The following ATRNL1 variants were observed in gnomAD, a reference collection of about 807,000 sequenced individuals.
The protein encoded by ATRNL1 is attractin-like protein 1.
ATRNL1 carries 95 observed loss-of-function variants against 182.7 expected under a neutral mutation model. The ratio of observed to expected loss-of-function variants is 0.52; its 90% confidence interval spans 0.44 to 0.62. The LOEUF is 0.62. Ranked by LOEUF, ATRNL1 falls within the 20% of genes least tolerant of loss-of-function variation. The probability of loss-of-function intolerance (pLI) is 0.00; values close to 1 mark genes in which losing one functional copy is unlikely to be tolerated. For missense variants in ATRNL1, 1,471 were observed against 1,679.5 expected (o/e 0.88, Z 2.17); for synonymous variants, 576 against 568.3 (o/e 1.01, Z -0.19).
intron 26 of ATRNL1, among the ~76,000 whole-genome samples, chr10:115,647,945 T>C (rs1859737524): frequency 6.6e-6 from 1 of 152,218 alleles, no homozygotes; most frequent in Non-Finnish European, 1.5e-5. Flanking sequence ...CATTTAAGTC[T>C]TTAATCCATC....
At chr10:115,535,867 G>T (rs191335151) in intron 25 of ATRNL1, among the ~76,000 whole-genome samples, 3,307 of 151,992 alleles carry the variant, frequency 0.022, 157 homozygotes, top group African/African-American at 0.075. Flanking sequence ...GTTTGCTAGA[G>T]GTCCACTCCA....
intron 25 of ATRNL1, among the ~76,000 whole-genome samples, chr10:115,540,312 C>T (rs963901423): frequency 3.3e-5 from 5 of 152,010 alleles, no homozygotes; most frequent in African/African-American, 1.2e-4. Context: ...TCCCGCTGCA[C>T]TGACTCAAGA....
chr10:115,458,224 C>T (rs1342962170), intron 21 of ATRNL1, among the ~76,000 whole-genome samples: 1 of 152,042 alleles, frequency 6.6e-6, no homozygotes, highest in Non-Finnish European at 1.5e-5. Context: ...GTAAATTTTC[C>T]ATTCATAACC....
chr10:115,570,553 T>G (rs1555003159), intron 26 of ATRNL1, among the ~76,000 whole-genome samples: 1 of 152,200 alleles, frequency 6.6e-6, no homozygotes. Context: ...TATGGCTTCA[T>G]TTTTACATTT....
chr10:115,913,397 G>T (rs1370462635), intron 28 of ATRNL1, among the ~76,000 whole-genome samples: 2 of 152,148 alleles, frequency 1.3e-5, no homozygotes, highest in African/African-American at 4.8e-5. Context: ...AGGGCCAGAA[G>T]ACCTGATTCA....
At chr10:115,259,349 C>T (rs1194601595) in intron 10 of ATRNL1, among the ~76,000 whole-genome samples, 3 of 151,940 alleles carry the variant, frequency 2.0e-5, no homozygotes, top group South Asian at 2.1e-4. Context: ...CCAGCCAGGC[C>T]GCTGCCTCGC....
At position 115,947,275 on chromosome 10, in the gene ATRNL1, C is replaced by T. The variant is rs1953896741; in HGVS notation, c.*2496C>T. ...TGCTTTCATTTTTTTTAAATCAAACCACACAAATATGCAGATACTTTCCCA... is the reference window on the plus strand; with the variant it reads ...TGCTTTCATTTTTTTTAAATCAAACTACACAAATATGCAGATACTTTCCCA... On this transcript the variant is annotated 3_prime_UTR_variant, in exon 29 of 29. Transcript: ENST00000355044. 1 of 152,306 alleles carries T rather than the reference C, an allele frequency of 6.6e-6. No homozygotes were observed. The highest frequency in any genetic ancestry group is 6.6e-5 in the Admixed American group (1 of 15,252). The allele number at this position is 152,306 out of a possible 1,614,324, so 9.4% of individuals were successfully genotyped here.
At chr10:115,525,803 A>G (rs1480611921) in intron 25 of ATRNL1, among the ~76,000 whole-genome samples, 4 of 152,198 alleles carry the variant, frequency 2.6e-5, no homozygotes, top group Admixed American at 6.5e-5. Context: ...GAAAATATGC[A>G]CCAAAACCAA....
At chr10:115,809,495 G>A (rs782224509) in intron 27 of ATRNL1, among the ~76,000 whole-genome samples, 1 of 151,924 alleles carries the variant, frequency 6.6e-6, no homozygotes, top group Non-Finnish European at 1.5e-5. Flanking sequence ...TTTAACTTCT[G>A]TCAGTAATGG....
intron 26 of ATRNL1, among the ~76,000 whole-genome samples, chr10:115,725,362 G>C (rs534139265): frequency 6.6e-6 from 1 of 152,062 alleles, no homozygotes; most frequent in African/African-American, 2.4e-5. Flanking sequence ...CAACGATTGT[G>C]AGTTTGGAAT....
At chr10:115,755,109 C>G (rs1247141497) in intron 27 of ATRNL1, among the ~76,000 whole-genome samples, 2 of 152,162 alleles carry the variant, frequency 1.3e-5, no homozygotes, top group African/African-American at 4.8e-5. Context: ...ATCATGTTAT[C>G]TGCAAACAGG....
At chr10:115,780,474 C>T (rs782182051) in intron 27 of ATRNL1, among the ~76,000 whole-genome samples, 4 of 152,120 alleles carry the variant, frequency 2.6e-5, no homozygotes, top group African/African-American at 7.2e-5. Context: ...AGACACTAGT[C>T]GGGGCTGCTA....
chr10:115,491,176 C>A (rs1849282772), intron 24 of ATRNL1, among the ~76,000 whole-genome samples: 1 of 152,150 alleles, frequency 6.6e-6, no homozygotes. Flanking sequence ...TCAGCCCCTA[C>A]TGCAAGGTGT....
At chr10:115,547,266 ATAT>A (rs1565154661) in intron 25 of ATRNL1, among the ~76,000 whole-genome samples, 3 of 102,492 alleles carry the variant, frequency 2.9e-5, no homozygotes, top group African/African-American at 1.3e-4. Context: ...AAAAAAAAAT[ATAT>A]ATATATATAT....
At chr10:115,715,361 A>T (rs1947216120) in intron 26 of ATRNL1, among the ~76,000 whole-genome samples, 1 of 152,194 alleles carries the variant, frequency 6.6e-6, no homozygotes, top group African/African-American at 2.4e-5. Flanking sequence ...ACCTCTTGCC[A>T]CCCAGAGTAG....
At chr10:115,561,690 G>GGCTGTGTGT (rs1554999705) in intron 26 of ATRNL1, among the ~76,000 whole-genome samples, 1 of 50,446 alleles carries the variant, frequency 2.0e-5, no homozygotes. Context: ...TGTGTGTGTG[G>GGCTGTGTGT]GTGTGTGTGT....
intron 21 of ATRNL1, among the ~76,000 whole-genome samples, chr10:115,451,971 G>A (rs1415596939): frequency 6.6e-6 from 1 of 152,112 alleles, no homozygotes; most frequent in Admixed American, 6.6e-5. Flanking sequence ...TATGGATAGG[G>A]CTAGAGACTA....
chr10:115,299,210 A>G (rs1461115075), intron 15 of ATRNL1, among the ~76,000 whole-genome samples: 1 of 151,866 alleles, frequency 6.6e-6, no homozygotes, highest in African/African-American at 2.4e-5. Flanking sequence ...TATAATATAA[A>G]AAATTGTAAA....
At chr10:115,580,878 A>G (rs1480413514) in intron 26 of ATRNL1, among the ~76,000 whole-genome samples, 1 of 151,914 alleles carries the variant, frequency 6.6e-6, no homozygotes, top group Non-Finnish European at 1.5e-5. Flanking sequence ...CTTCAACTCT[A>G]TGATTTCTGT....
Sources: gnomAD v4.1 joint callset for allele counts (sites outside exome capture counted in the v4.1 genomes callset) on GRCh38, gnomAD v4.1.1 for gene constraint, MANE v1.5 for transcripts, NCBI Gene and HGNC (gene_info 2026-07-23, HGNC 2026-07-21) for gene names.